The following SEC24A variants were observed in gnomAD, a reference collection of about 807,000 sequenced individuals.
SEC24A encodes the protein SEC24 homolog A, COPII component, also known as protein transport protein Sec24A.
A neutral mutation model predicts 129.4 loss-of-function variants in SEC24A; 93 were observed. That is an observed-to-expected ratio of 0.72 (90% confidence interval 0.61 to 0.85). The LOEUF (loss-of-function observed/expected upper bound fraction) is 0.85, where lower values mean the gene tolerates loss of function less well. SEC24A is among the 40% of genes least tolerant of loss of function. The pLI, the probability that SEC24A is intolerant of heterozygous loss-of-function variation, is 0.00. For missense variants in SEC24A, 1,264 were observed against 1,307.4 expected (o/e 0.97, Z 0.51); for synonymous variants, 460 against 467.3 (o/e 0.98, Z 0.20).
intron 2 of SEC24A, among the ~76,000 whole-genome samples, chr5:134,665,436 CAA>C (rs1352833772): frequency 6.9e-6 from 1 of 144,634 alleles, no homozygotes; most frequent in Non-Finnish European, 1.5e-5. Flanking sequence ...GCCTGGGGGA[CAA>C]GAGTGAGACT....
At chr5:134,715,894 A>AT (rs1300728554) in intron 19 of SEC24A, among the ~76,000 whole-genome samples, 10 of 151,086 alleles carry the variant, frequency 6.6e-5, no homozygotes, top group Admixed American at 3.3e-4. Flanking sequence ...TTTAAAATAT[A>AT]TTTTTTCTGG....
At chr5:134,717,522 A>G (rs1561833977) in intron 19 of SEC24A, among the ~76,000 whole-genome samples, 1 of 152,132 alleles carries the variant, frequency 6.6e-6, no homozygotes, top group Non-Finnish European at 1.5e-5. Context: ...AGAAAAAGAA[A>G]AAGAAAAAGG....
chr5:134,650,862 C>A (rs994318764), intron 1 of SEC24A, among the ~76,000 whole-genome samples: 1 of 151,322 alleles, frequency 6.6e-6, no homozygotes, highest in Admixed American at 6.6e-5. Context: ...GCAACCTCCT[C>A]CTCCCAGGTT....
intron 2 of SEC24A, among the ~76,000 whole-genome samples, chr5:134,663,880 C>T (rs372383452): frequency 1.3e-5 from 2 of 152,104 alleles, no homozygotes; most frequent in African/African-American, 4.8e-5. Flanking sequence ...GAGGCTGAGT[C>T]GGGTGGATCA....
chr5:134,665,912 T>C (rs1750643907), intron 2 of SEC24A, among the ~76,000 whole-genome samples: 2 of 152,328 alleles, frequency 1.3e-5, no homozygotes. Context: ...ATTAATAACA[T>C]TGAAATTTTA....
intron 11 of SEC24A, among the ~76,000 whole-genome samples, chr5:134,690,833 C>G (rs561295437): frequency 2.0e-5 from 3 of 152,134 alleles, no homozygotes; most frequent in Non-Finnish European, 4.4e-5. Context: ...TTTGTTTGTT[C>G]GTTTTGTTTT....
intron 1 of SEC24A, among the ~76,000 whole-genome samples, chr5:134,658,841 G>T (rs1214840314): frequency 6.6e-6 from 1 of 152,122 alleles, no homozygotes; most frequent in Non-Finnish European, 1.5e-5. Flanking sequence ...TAGGTGTGGT[G>T]TGGAAATTTC....
intron 3 of SEC24A, among the ~76,000 whole-genome samples, chr5:134,671,262 A>G (rs959711170): frequency 1.4e-4 from 21 of 152,160 alleles, no homozygotes; most frequent in Non-Finnish European, 2.6e-4. Flanking sequence ...GGGTTTCCCC[A>G]TGTTGGCCAG....
At chr5:134,687,232 T>A (rs915930161) in intron 10 of SEC24A, among the ~76,000 whole-genome samples, 1 of 152,202 alleles carries the variant, frequency 6.6e-6, no homozygotes, top group Non-Finnish European at 1.5e-5. Context: ...CAGCATACTG[T>A]TTTACCTATA....
intron 1 of SEC24A, among the ~76,000 whole-genome samples, chr5:134,659,364 G>T (rs562619946): frequency 2.0e-5 from 3 of 152,024 alleles, no homozygotes; most frequent in Non-Finnish European, 4.4e-5. Flanking sequence ...GAGCCACCGC[G>T]CCTGGCCTCA....
intron 2 of SEC24A, among the ~76,000 whole-genome samples, 164 bp downstream of exon 2, chr5:134,661,750 C>T (rs1363378229): frequency 6.6e-6 from 1 of 150,960 alleles, no homozygotes; most frequent in African/African-American, 2.4e-5. Context: ...CAGCAAAAAC[C>T]AGAAAGCCTG....
At position 134,648,967 on chromosome 5, in the gene SEC24A, T is replaced by G; in HGVS notation, c.-110T>G. ...AATGCGCCCCCCCCTCTTCTCCCAG[T>G]CTTCAGTCTTAAGTCGTTAGCCTCC... On this transcript the variant is annotated 5_prime_UTR_variant, in exon 1 of 23. Transcript: ENST00000398844. The G allele has an allele frequency of 2.9e-6, 2 of 698,494 alleles. No individual in the cohort carries two copies. Among genetic ancestry groups the G allele is most frequent in the Non-Finnish European group, 2.4e-6 (1 of 417,658 alleles). The allele number at this position is 698,494 out of a possible 1,614,324, so 43.3% of individuals were successfully genotyped here. A position where few individuals can be genotyped will look rare whatever the true frequency, so the allele number is the denominator to read the frequency against.
chr5:134,710,124 C>A (rs758745570), intron 18 of SEC24A, among the ~76,000 whole-genome samples: 1 of 152,048 alleles, frequency 6.6e-6, no homozygotes, highest in East Asian at 1.9e-4. Flanking sequence ...GTCTCAAACT[C>A]CTGATCTCGG....
chr5:134,699,550 C>G (rs893532992), intron 15 of SEC24A, among the ~76,000 whole-genome samples: 3 of 151,740 alleles, frequency 2.0e-5, no homozygotes, highest in South Asian at 4.2e-4. Flanking sequence ...CCGTCCGCCT[C>G]GGCCTCCCAA....
At chr5:134,663,555 C>T (rs914563847) in intron 2 of SEC24A, among the ~76,000 whole-genome samples, 3 of 152,198 alleles carry the variant, frequency 2.0e-5, no homozygotes, top group South Asian at 2.1e-4. Context: ...TGGTGGCTCA[C>T]GCCTATAATC....
intron 6 of SEC24A, 55 bp downstream of exon 6, chr5:134,675,272 A>G: frequency 2.2e-6 from 3 of 1,362,966 alleles, no homozygotes; most frequent in South Asian, 2.6e-5. Flanking sequence ...AGCTTTTTGC[A>G]GGGGGCACAT....
intron 15 of SEC24A, among the ~76,000 whole-genome samples, chr5:134,703,187 C>CA (rs201808539): frequency 0.011 from 1,705 of 152,252 alleles, 20 homozygotes; most frequent in Non-Finnish European, 0.015. Context: ...CTGTAGGACA[C>CA]ATTCTTTGAT....
At chr5:134,684,018 A>T (rs148352869) in intron 9 of SEC24A, among the ~76,000 whole-genome samples, 1 of 152,110 alleles carries the variant, frequency 6.6e-6, no homozygotes, top group Non-Finnish European at 1.5e-5. Context: ...ATTTTAGTGT[A>T]TTTTGGCTGG....
At chr5:134,705,090 A>ATT (rs58181904) in intron 16 of SEC24A, among the ~76,000 whole-genome samples, 2,390 of 123,220 alleles carry the variant, frequency 0.019, 44 homozygotes, top group South Asian at 0.097. Flanking sequence ...ATATATATAT[A>ATT]TTTTTTTTTT....
Sources: gnomAD v4.1 joint callset for allele counts (sites outside exome capture counted in the v4.1 genomes callset) on GRCh38, gnomAD v4.1.1 for gene constraint, MANE v1.5 for transcripts, NCBI Gene and HGNC (gene_info 2026-07-23, HGNC 2026-07-21) for gene names.